RAD52: variants seen among roughly 807,000 people sequenced by gnomAD.
RAD52 encodes the protein DNA repair protein RAD52 homolog.
Under a neutral mutation model 55.5 loss-of-function variants are expected in RAD52, and 47 were observed. The ratio of observed to expected loss-of-function variants is 0.85; its 90% CI spans 0.67 to 1.08. RAD52 has a LOEUF of 1.08. RAD52 is among the 50% of genes least tolerant of loss of function. The pLI, the probability that RAD52 is intolerant of heterozygous loss-of-function variation, is 0.00. For synonymous variants in RAD52, 184 were observed against 198.9 expected (o/e 0.92, Z 0.63); for missense variants, 468 against 522.8 (o/e 0.90, Z 1.02).
At position 987,051 on chromosome 12, in the gene RAD52, A is replaced by G. The variant is rs1959095576; in HGVS notation, c.-19+2758T>C. On this transcript the variant is annotated intron_variant, in intron 1 of 11. Coordinates refer to the RAD52 transcript ENST00000430095. ...AATGGCACAATCTCGGCTGACTGCA[A>G]CCTCTGCCTCCCGGATTCAAGCAAT... Among the ~76,000 whole-genome samples the G allele has an allele frequency of 3.3e-5, 5 of 151,930 alleles. No homozygotes were observed. In the South Asian group the frequency reaches 1.0e-3, roughly 32 times the overall value.
At chr12:942,422 A>G (rs1447306305) in intron 1 of RAD52, among the ~76,000 whole-genome samples, 2 of 152,164 alleles carry the variant, frequency 1.3e-5, no homozygotes, top group Non-Finnish European at 2.9e-5. Context: ...TAAACTAGAA[A>G]TGGGTGATAG....
Position 929,902 on chromosome 12 carries a change from A to T in RAD52, c.281-16T>A. On this transcript the variant is annotated splice_polypyrimidine_tract_variant and intron_variant, in intron 4 of 11. Transcript: ENST00000358495. Reference sequence around the variant, plus strand: ...TCAACAAAATCTAGGAGTGGGAAAGAGAGCAAGTTGAAGAGGACACTGACC... The same window carrying T: ...TCAACAAAATCTAGGAGTGGGAAAGTGAGCAAGTTGAAGAGGACACTGACC... 1 of 1,610,758 alleles carries T rather than the reference A, an allele frequency of 6.2e-7. No individual in the cohort carries two copies. Among genetic ancestry groups the T allele is most frequent in the Non-Finnish European group, 8.5e-7 (1 of 1,176,926 alleles).
chr12:962,475 G>A lies in RAD52; in HGVS notation c.-19+27334C>T, dbSNP rs566429398. On this transcript the variant is annotated intron_variant, in intron 1 of 11. Coordinates refer to the RAD52 transcript ENST00000430095. ...CTGCCTCAGCCTCCCGAGTAGCTGG[G>A]ACTACAGGTGCCCGCCACCACGCCT... Among the ~76,000 whole-genome samples the A allele has an allele frequency of 3.7e-3, 555 of 151,382 alleles. 6 individuals are homozygous for A. The highest frequency in any genetic ancestry group is 0.013 in the African/African-American group (532 of 41,326).
chr12:917,833 G>A (rs1045788949), intron 7 of RAD52, among the ~76,000 whole-genome samples: 20 of 9,012 alleles, frequency 2.2e-3, no homozygotes, highest in Non-Finnish European at 4.0e-3. Context: ...CAGCTACTCG[G>A]GAGGCTGAGG....
At chr12:926,795 C>T in intron 6 of RAD52, 1 of 1,536,320 alleles carries the variant, frequency 6.5e-7, no homozygotes, top group Non-Finnish European at 8.7e-7. Context: ...AACTATGCTA[C>T]CTGTGCGTAG....
intron 1 of RAD52, among the ~76,000 whole-genome samples, chr12:940,133 A>G (rs7294431): frequency 0.26 from 39,858 of 151,814 alleles, 5,414 homozygotes; most frequent in East Asian, 0.36. Flanking sequence ...CTAAAATATC[A>G]CCCTGAAAAA....
At chr12:955,319 A>G (rs1377098062) in intron 1 of RAD52, among the ~76,000 whole-genome samples, 1 of 152,208 alleles carries the variant, frequency 6.6e-6, no homozygotes, top group East Asian at 1.9e-4. Flanking sequence ...ATCCAATTTG[A>G]ATGAACCACA....
At chr12:983,031 G>T (rs1245761112) in intron 1 of RAD52, among the ~76,000 whole-genome samples, 1 of 151,926 alleles carries the variant, frequency 6.6e-6, no homozygotes, top group Non-Finnish European at 1.5e-5. Flanking sequence ...TGTATTTTTA[G>T]TGAAGACAAG....
intron 5 of RAD52, among the ~76,000 whole-genome samples, chr12:928,122 T>A (rs11571435): frequency 0.07 from 10,593 of 152,294 alleles, 436 homozygotes; most frequent in African/African-American, 0.086. Context: ...ATAACACAAT[T>A]CTTTCCATTC....
At chr12:969,832 G>A (rs1163194231) in intron 1 of RAD52, among the ~76,000 whole-genome samples, 5 of 151,672 alleles carry the variant, frequency 3.3e-5, no homozygotes, top group Admixed American at 2.0e-4. Flanking sequence ...ACGATATTAA[G>A]AGTGAAGTAC....
chr12:944,608 T>C (rs1276153401), intron 1 of RAD52, among the ~76,000 whole-genome samples: 1 of 93,568 alleles, frequency 1.1e-5, no homozygotes, highest in African/African-American at 3.7e-5. Flanking sequence ...AAAAACATGG[T>C]AAAAAAAAAA....
At chr12:947,997 T>C (rs968269479) in intron 1 of RAD52, among the ~76,000 whole-genome samples, 1 of 107,892 alleles carries the variant, frequency 9.3e-6, no homozygotes, top group African/African-American at 3.6e-5. Context: ...AAAACTTAAG[T>C]TTTAAATGTC....
At chr12:917,976 T>C (rs1956498284) in intron 7 of RAD52, among the ~76,000 whole-genome samples, 3 of 152,044 alleles carry the variant, frequency 2.0e-5, no homozygotes, top group Non-Finnish European at 4.4e-5. Flanking sequence ...TATGAAAGAC[T>C]GGCGATACCA....
chr12:944,608 TAAA>T (rs778682036), intron 1 of RAD52, among the ~76,000 whole-genome samples: 5 of 93,562 alleles, frequency 5.3e-5, no homozygotes, highest in Non-Finnish European at 9.2e-5. Context: ...AAAAACATGG[TAAA>T]AAAAAAAAAA....
chr12:923,879 G>A (rs1028651705), intron 7 of RAD52, among the ~76,000 whole-genome samples: 15 of 150,758 alleles, frequency 9.9e-5, no homozygotes, highest in South Asian at 2.1e-4. Flanking sequence ...CCAACAGGAC[G>A]AAACCCCATC....
At chr12:945,905 C>T (rs1256833460) in intron 1 of RAD52, among the ~76,000 whole-genome samples, 1 of 151,804 alleles carries the variant, frequency 6.6e-6, no homozygotes, top group African/African-American at 2.4e-5. Flanking sequence ...TACCTGTAAT[C>T]CCAGCTACTC....
chr12:940,857 G>GA (rs964505830), intron 1 of RAD52, among the ~76,000 whole-genome samples: 11 of 146,008 alleles, frequency 7.5e-5, no homozygotes, highest in South Asian at 4.3e-4. Context: ...CAAACTTCGA[G>GA]AAAAAAAAAA....
chr12:942,025 T>C (rs1452325238), intron 1 of RAD52, among the ~76,000 whole-genome samples: 1 of 152,218 alleles, frequency 6.6e-6, no homozygotes, highest in Non-Finnish European at 1.5e-5. Flanking sequence ...GTGTCATTTC[T>C]TTCCAAATTG....
chr12:987,219 T>A (rs1308890271), intron 1 of RAD52, among the ~76,000 whole-genome samples: 1 of 152,150 alleles, frequency 6.6e-6, no homozygotes, highest in Non-Finnish European at 1.5e-5. Context: ...TCCACCCGCC[T>A]CAGCCTCTCA....
Sources: allele counts gnomAD v4.1 joint callset (sites outside exome capture counted in the v4.1 genomes callset), GRCh38; gene constraint gnomAD v4.1.1; transcripts MANE v1.5; gene names NCBI Gene and HGNC (gene_info 2026-07-23, HGNC 2026-07-21).